SLF2: variants seen among roughly 807,000 people sequenced by gnomAD.
SLF2 encodes the protein SMC5-SMC6 complex localization factor protein 2.
SLF2 carries 68 observed loss-of-function variants against 124.3 expected under a neutral mutation model. The observed-to-expected ratio is 0.55, with a 90% confidence interval of 0.45 to 0.67. The LOEUF (loss-of-function observed/expected upper bound fraction) is 0.67, where lower values mean the gene tolerates loss of function less well. Among genes scored for constraint, SLF2 ranks in the 30% least tolerant of loss-of-function variants. The probability of loss-of-function intolerance (pLI) is 0.00; values close to 1 mark genes in which losing one functional copy is unlikely to be tolerated. For synonymous variants in SLF2, 480 were observed against 478.8 expected (o/e 1.00, Z -0.03); for missense variants, 1,246 against 1,373.7 (o/e 0.91, Z 1.47).
intron 4 of SLF2, among the ~76,000 whole-genome samples, chr10:100,919,465 A>G (rs1849485588): frequency 6.6e-6 from 1 of 152,242 alleles, no homozygotes; most frequent in Non-Finnish European, 1.5e-5. Context: ...ATTAAATTTC[A>G]AGGATATCTA....
intron 1 of SLF2, among the ~76,000 whole-genome samples, chr10:100,914,250 AT>A (rs2133743485): frequency 6.6e-6 from 1 of 152,276 alleles, no homozygotes; most frequent in Admixed American, 6.5e-5. Context: ...TCTAAAACAC[AT>A]TTGGCCCCAG....
At chr10:100,942,195 A>G (rs1239773067) in intron 11 of SLF2, among the ~76,000 whole-genome samples, 2 of 152,124 alleles carry the variant, frequency 1.3e-5, no homozygotes, top group African/African-American at 4.8e-5. Flanking sequence ...CAGAGCCCAC[A>G]GGTTAAGGAC....
chr10:100,915,805 C>T (rs1361320693), intron 1 of SLF2, among the ~76,000 whole-genome samples, 194 bp from the exon 2 acceptor site: 1 of 152,020 alleles, frequency 6.6e-6, no homozygotes, highest in African/African-American at 2.4e-5. Flanking sequence ...AAATGAACTC[C>T]TATAGGAAGT....
rs748162172 is a variant in SLF2, at chr10:100,929,998, G to A, written c.2333+1G>A. On this transcript the variant is annotated splice_donor_variant, in intron 8 of 19. Transcript: ENST00000238961. LOFTEE classifies it high-confidence loss of function. Reference sequence around the variant, plus strand: ...GTGCTGTAGAAAAACTTATTCTTAAGTAAGTAGAAAAATAGACATTTTACT... The same window carrying A: ...GTGCTGTAGAAAAACTTATTCTTAAATAAGTAGAAAAATAGACATTTTACT... 6.0e-6 allele frequency: 9 copies of A among 1,498,832 alleles called. No homozygotes were observed. The highest frequency in any genetic ancestry group is 7.1e-6 in the Non-Finnish European group (8 of 1,118,940). 92.8% of individuals were successfully genotyped at this position (1,498,832 alleles called of 1,614,324 possible). A position where few individuals can be genotyped will look rare whatever the true frequency, so the allele number is the denominator to read the frequency against.
At chr10:100,915,537 T>C (rs1849398418) in intron 1 of SLF2, among the ~76,000 whole-genome samples, 1 of 152,230 alleles carries the variant, frequency 6.6e-6, no homozygotes, top group Non-Finnish European at 1.5e-5. Flanking sequence ...TCATTTGGCA[T>C]ACATCTATTG....
chr10:100,936,564 T>A (rs1003247930), intron 9 of SLF2, among the ~76,000 whole-genome samples: 1 of 151,920 alleles, frequency 6.6e-6, no homozygotes, highest in African/African-American at 2.4e-5. Context: ...CTCGATCTCC[T>A]GACCTCGTGA....
At chr10:100,913,688 A>G (rs1202700597) in intron 1 of SLF2, 3 of 1,002,080 alleles carry the variant, frequency 3.0e-6, no homozygotes, top group South Asian at 4.6e-5. Context: ...TCCACGAATT[A>G]CTTTGTAGTC....
chr10:100,935,599 G>C (rs997436821), intron 9 of SLF2, among the ~76,000 whole-genome samples: 10 of 151,756 alleles, frequency 6.6e-5, no homozygotes, highest in African/African-American at 2.4e-4. Flanking sequence ...AGAATCGCTT[G>C]AACCTGGGAG....
intron 7 of SLF2, 40 bp from the exon 8 acceptor site, chr10:100,929,790 T>C (rs1325279811): frequency 6.9e-7 from 1 of 1,455,560 alleles, no homozygotes; most frequent in Non-Finnish European, 9.4e-7. Flanking sequence ...CTATATGTAG[T>C]GTAACAATTT....
At position 100,947,738 on chromosome 10, in the gene SLF2, TACTTTTA is replaced by T; in HGVS notation, c.3033-17_3033-11del. ...AGTATTAATTAAAATACATTCTAAA[TACTTTTA>T]ACTTCTAATTCTAGGCAACTGAGAC... On this transcript the variant is annotated splice_polypyrimidine_tract_variant and intron_variant, in intron 14 of 19. Transcript: ENST00000238961. 1 of 1,536,422 alleles carries T rather than the reference TACTTTTA, an allele frequency of 6.5e-7. No homozygotes were observed. The highest frequency in any genetic ancestry group is 9.0e-7 in the Non-Finnish European group (1 of 1,114,966).
At chr10:100,959,337 T>TG (rs1850386969) in intron 18 of SLF2, 91 bp from the exon 19 acceptor site, 1 of 1,208,342 alleles carries the variant, frequency 8.3e-7, no homozygotes, top group African/African-American at 1.5e-5. Context: ...GTGGGCCTGT[T>TG]GCAGCTGTCA....
intron 1 of SLF2, chr10:100,913,852 C>T (rs1849368407): frequency 2.0e-6 from 2 of 985,298 alleles, no homozygotes; most frequent in South Asian, 4.7e-5. Flanking sequence ...CATCTAATGA[C>T]ATCCTCTGAC....
At chr10:100,947,963 A>AGCTCT (rs1260831585) in intron 15 of SLF2, 116 bp downstream of exon 15, 5 of 643,718 alleles carry the variant, frequency 7.8e-6, no homozygotes, top group Non-Finnish European at 1.3e-5. Context: ...CTTAAGCTTG[A>AGCTCT]TACTGTTCAT....
chr10:100,913,474 C>G (rs1849360392), intron 1 of SLF2: 2 of 1,287,622 alleles, frequency 1.6e-6, no homozygotes, highest in Non-Finnish European at 2.0e-6. Context: ...GACCACCAGC[C>G]TGGACAGCTA....
intron 3 of SLF2, among the ~76,000 whole-genome samples, chr10:100,917,673 C>A (rs969993073): frequency 6.6e-5 from 10 of 152,162 alleles, no homozygotes; most frequent in Non-Finnish European, 1.5e-5. Flanking sequence ...AACTCCTGGG[C>A]TCAAATGATG....
At chr10:100,926,694 C>G (rs906837642) in intron 6 of SLF2, 1 of 152,446 alleles carries the variant, frequency 6.6e-6, no homozygotes, top group Non-Finnish European at 1.5e-5. Context: ...ATCATGAGGT[C>G]AGGAGATCGA....
At chr10:100,913,280 G>A in intron 1 of SLF2, 30 bp downstream of exon 1, 1 of 1,537,522 alleles carries the variant, frequency 6.5e-7, no homozygotes, top group Non-Finnish European at 8.8e-7. Flanking sequence ...AGAAGGGGCC[G>A]GGTCGCGGGG....
intron 19 of SLF2, among the ~76,000 whole-genome samples, chr10:100,959,906 T>C (rs1564787058): frequency 6.6e-6 from 1 of 151,960 alleles, no homozygotes; most frequent in Non-Finnish European, 1.5e-5. Flanking sequence ...AGAAATCCCA[T>C]ACCCATTAGC....
At chr10:100,920,277 A>G (rs1269110117) in intron 4 of SLF2, among the ~76,000 whole-genome samples, 2 of 152,196 alleles carry the variant, frequency 1.3e-5, no homozygotes, top group Non-Finnish European at 2.9e-5. Context: ...TGGCTACCAC[A>G]TTATTCCTTT....
Sources: allele counts gnomAD v4.1 joint callset (sites outside exome capture counted in the v4.1 genomes callset), GRCh38; gene constraint gnomAD v4.1.1; transcripts MANE v1.5; gene names NCBI Gene and HGNC (gene_info 2026-07-23, HGNC 2026-07-21).